CPEB1: variants seen among roughly 807,000 people sequenced by gnomAD.
CPEB1 encodes the protein cytoplasmic polyadenylation element binding protein 1, also known as cytoplasmic polyadenylation element-binding protein 1.
CPEB1 carries 7 observed loss-of-function variants against 65.8 expected under a neutral mutation model. The observed-to-expected ratio is 0.11, with a 90% CI of 0.06 to 0.20. The LOEUF (loss-of-function observed/expected upper bound fraction) is 0.20, where lower values mean the gene tolerates loss of function less well. Ranked by LOEUF, CPEB1 falls within the 10% of genes least tolerant of loss-of-function variation. The pLI is 1.00. For synonymous variants in CPEB1, 262 were observed against 260.0 expected (o/e 1.01, Z -0.08); for missense variants, 551 against 712.2 (o/e 0.77, Z 2.58).
In CPEB1 at chr15:82,549,522, T is replaced by C. The variant is rs1269633995; in HGVS notation, c.1418A>G (p.Asn473Ser). Reference protein sequence around the residue: ...LNAEALAAILNDLFGGVVYAG... With the variant: ...LNAEALAAILSDLFGGVVYAG... ...ATACACCACTCCACCAAATAGGTCG[T>C]TCAAGATGGCTGCCAGGGCCTCAGC... The change falls in exon 10 of 13, where the codon AAC becomes AGC. Residue 473 changes from asparagine to serine, a missense_variant. Transcript: ENST00000684509. 3 of 1,614,226 alleles carry C rather than the reference T, an allele frequency of 1.9e-6. No individual in the cohort carries two copies. The highest frequency in any genetic ancestry group is 2.2e-5 in the South Asian group (2 of 91,082).
chr15:82,545,009 T>G (rs2034912212), intron 12 of CPEB1, among the ~76,000 whole-genome samples: 1 of 152,198 alleles, frequency 6.6e-6, no homozygotes, highest in South Asian at 2.1e-4. Context: ...TCCCCTGCCC[T>G]TCTCACCTCC....
intron 1 of CPEB1, among the ~76,000 whole-genome samples, chr15:82,632,524 C>CA (rs1483346375): frequency 6.6e-6 from 1 of 151,784 alleles, no homozygotes; most frequent in Non-Finnish European, 1.5e-5. Flanking sequence ...CACACACACA[C>CA]ATTTTTTAAG....
upstream of CPEB1, chr15:82,647,732 C>T (rs1433045393): frequency 1.0e-5 from 9 of 900,884 alleles, no homozygotes; most frequent in African/African-American, 1.0e-4. Context: ...CGCGCCCCGC[C>T]CGGGACTCGC....
intron 3 of CPEB1, among the ~76,000 whole-genome samples, chr15:82,618,094 TAA>T (rs961633937): frequency 1.4e-5 from 2 of 145,318 alleles, no homozygotes; most frequent in African/African-American, 2.5e-5. Context: ...GTAAGCTTAT[TAA>T]AAAAAAAAAG....
At chr15:82,609,579 C>T (rs1460929648) in intron 3 of CPEB1, among the ~76,000 whole-genome samples, 1 of 149,646 alleles carries the variant, frequency 6.7e-6, no homozygotes, top group East Asian at 2.0e-4. Flanking sequence ...AAAAAATAAA[C>T]ACAAAGCAAG....
Position 82,617,042 on chromosome 15 carries a change from C to T in CPEB1, c.271+10151G>A, listed in dbSNP as rs75601569. ...CAAGTTCTGCCCCAAAAGTTTAATACCCTTTTGAAATCCTTTCCTACCTAC... is the reference window on the plus strand; with the variant it reads ...CAAGTTCTGCCCCAAAAGTTTAATATCCTTTTGAAATCCTTTCCTACCTAC... On this transcript the variant is annotated intron_variant, in intron 3 of 12. Transcript: ENST00000684509. Among the ~76,000 whole-genome samples the T allele has an allele frequency of 1.3e-3, 203 of 152,256 alleles. 1 individual carries two copies. Among genetic ancestry groups the T allele is most frequent in the Non-Finnish European group, 2.4e-3 (160 of 68,014 alleles).
chr15:82,634,185 T>A (rs1182484640), intron 1 of CPEB1, among the ~76,000 whole-genome samples: 1 of 32,122 alleles, frequency 3.1e-5, no homozygotes, highest in African/African-American at 3.6e-4. Flanking sequence ...ATATAACTGG[T>A]TTTTTTTTTT....
At chr15:82,633,551 T>C (rs1331285420) in intron 1 of CPEB1, among the ~76,000 whole-genome samples, 2 of 152,196 alleles carry the variant, frequency 1.3e-5, no homozygotes, top group Non-Finnish European at 2.9e-5. Flanking sequence ...TTTTGTACTT[T>C]TGGTAGAGAC....
At chr15:82,634,610 C>G (rs143614768) in intron 1 of CPEB1, among the ~76,000 whole-genome samples, 16 of 152,320 alleles carry the variant, frequency 1.1e-4, no homozygotes, top group African/African-American at 3.6e-4. Flanking sequence ...AAGGTTTACT[C>G]AGTCCTCCAG....
At chr15:82,588,119 T>G (rs940385442) in intron 3 of CPEB1, among the ~76,000 whole-genome samples, 4 of 42,568 alleles carry the variant, frequency 9.4e-5, no homozygotes, top group African/African-American at 4.1e-4. Context: ...TGTTTTTGTA[T>G]TTTTTTTTTG....
chr15:82,581,122 A>G (rs557498106), intron 3 of CPEB1, among the ~76,000 whole-genome samples: 24 of 152,176 alleles, frequency 1.6e-4, no homozygotes, highest in Non-Finnish European at 2.4e-4. Flanking sequence ...AATTACAGGC[A>G]TGAGCCAATG....
At chr15:82,613,785 C>G (rs1274756665) in intron 3 of CPEB1, among the ~76,000 whole-genome samples, 4 of 150,586 alleles carry the variant, frequency 2.7e-5, no homozygotes, top group Admixed American at 2.6e-4. Flanking sequence ...AACCCCTCCC[C>G]TAAGACTGGA....
At chr15:82,610,056 G>A (rs1271381135) in intron 3 of CPEB1, among the ~76,000 whole-genome samples, 2 of 120,952 alleles carry the variant, frequency 1.7e-5, no homozygotes, top group African/African-American at 3.1e-5. Context: ...GCAAACCTCC[G>A]TGGCAAAAAA....
In CPEB1 at chr15:82,580,320, A is replaced by T. The variant is rs984775361; in HGVS notation, c.272-8788T>A. On this transcript the variant is annotated intron_variant, in intron 3 of 12. Coordinates refer to ENST00000684509, the MANE Select transcript of CPEB1 (RefSeq NM_001365242.1). ...TGGAGACAGAGCAAGACTCTGTCTT[A>T]AAAAAAAAAAAAAAGAAGAAGAAGA... 1.2e-3 allele frequency among the ~76,000 whole-genome samples: 131 copies of T among 109,172 alleles called. 2 individuals carry two copies. Among genetic ancestry groups the T allele is most frequent in the Non-Finnish European group, 4.3e-4 (24 of 55,568 alleles). The allele number at this position is 109,172 out of a possible 152,430, so 71.6% of individuals were successfully genotyped here. A position where few individuals can be genotyped will look rare whatever the true frequency, so the allele number is the denominator to read the frequency against.
intron 1 of CPEB1, among the ~76,000 whole-genome samples, chr15:82,646,680 G>A (rs1409006298): frequency 2.0e-5 from 3 of 147,830 alleles, no homozygotes; most frequent in Non-Finnish European, 4.6e-5. Flanking sequence ...GGGTCAACGC[G>A]GGGCCGCTCA....
chr15:82,641,317 C>T (rs2047095516), intron 1 of CPEB1, among the ~76,000 whole-genome samples: 1 of 152,084 alleles, frequency 6.6e-6, no homozygotes, highest in Non-Finnish European at 1.5e-5. Flanking sequence ...AGGGCCAGAA[C>T]CCAGGAGCAC....
rs374365756 is a variant in CPEB1, at chr15:82,624,060, C to G, written c.271+3133G>C. ...CAGAAGCTACAAGTTTGGGTTATTTCTTAAGGTTCTTCATAGAAAAATATA... is the reference window on the plus strand; with the variant it reads ...CAGAAGCTACAAGTTTGGGTTATTTGTTAAGGTTCTTCATAGAAAAATATA... On this transcript the variant is annotated intron_variant, in intron 3 of 12. Coordinates refer to ENST00000684509, the MANE Select transcript of CPEB1 (RefSeq NM_001365242.1). 2.0e-5 allele frequency among the ~76,000 whole-genome samples: 3 copies of G among 152,188 alleles called. No individual in the cohort carries two copies. In the East Asian group the frequency reaches 5.8e-4, roughly 29 times the overall value.
At chr15:82,594,224 T>A (rs1470451221) in intron 3 of CPEB1, among the ~76,000 whole-genome samples, 1 of 152,228 alleles carries the variant, frequency 6.6e-6, no homozygotes, top group African/African-American at 2.4e-5. Context: ...GAATCTGTTG[T>A]TGAGTGTAGC....
At chr15:82,562,127 C>T (rs998072239) in intron 4 of CPEB1, 1 of 436,452 alleles carries the variant, frequency 2.3e-6, no homozygotes, top group Non-Finnish European at 4.5e-6. Flanking sequence ...TGGATGCTTT[C>T]CCACTCCAAG....
Sources: gnomAD v4.1 joint callset for allele counts (sites outside exome capture counted in the v4.1 genomes callset) on GRCh38, gnomAD v4.1.1 for gene constraint, MANE v1.5 for transcripts, NCBI Gene and HGNC (gene_info 2026-07-23, HGNC 2026-07-21) for gene names.